The following AMBN variants were observed in gnomAD, a reference collection of about 807,000 sequenced individuals.
AMBN encodes the protein enamel matrix protein.
Under a neutral mutation model 48.0 loss-of-function variants are expected in AMBN, and 54 were observed. The ratio of observed to expected loss-of-function variants is 1.12; its 90% CI spans 0.90 to 1.41. The LOEUF (loss-of-function observed/expected upper bound fraction) is 1.41, where lower values mean the gene tolerates loss of function less well. AMBN is among the 40% of genes most tolerant of loss of function. The pLI is 0.00. For missense variants in AMBN, 571 were observed against 547.3 expected (o/e 1.04, Z -0.43); for synonymous variants, 186 against 190.0 (o/e 0.98, Z 0.17).
intron 9 of AMBN, 112 bp downstream of exon 9, chr4:70,603,122 G>T (rs987293372): frequency 3.6e-6 from 5 of 1,381,778 alleles, no homozygotes; most frequent in African/African-American, 1.5e-5. Flanking sequence ...AAGTATAATG[G>T]GTTCCTTTGT....
intron 6 of AMBN, among the ~76,000 whole-genome samples, chr4:70,602,147 G>A (rs1162539421): frequency 6.6e-6 from 1 of 152,130 alleles, no homozygotes; most frequent in Non-Finnish European, 1.5e-5. Flanking sequence ...CAAGTAACCA[G>A]TATGTTGTGG....
At chr4:70,593,942 C>T (rs1737333573) in intron 2 of AMBN, among the ~76,000 whole-genome samples, 1 of 151,112 alleles carries the variant, frequency 6.6e-6, no homozygotes, top group South Asian at 2.1e-4. Context: ...AAGACAATTT[C>T]TAGATCTTAT....
chr4:70,606,794 C>T lies in AMBN; in HGVS notation c.*64C>T. The T allele has an allele frequency of 6.6e-7, 1 of 1,518,550 alleles. No homozygotes were observed. Among genetic ancestry groups the T allele is most frequent in the Non-Finnish European group, 8.9e-7 (1 of 1,128,308 alleles). The allele number at this position is 1,518,550 out of a possible 1,614,324, so 94.1% of individuals were successfully genotyped here. A position where few individuals can be genotyped will look rare whatever the true frequency, so the allele number is the denominator to read the frequency against. On this transcript the variant is annotated 3_prime_UTR_variant, in exon 13 of 13. Coordinates refer to ENST00000322937, the MANE Select transcript of AMBN (RefSeq NM_016519.6). ...TTCCCAGCTTTGTCCCCACAGTGTA[C>T]CTTTTTGCTAAAACACTTATTACCC... is the stretch of plus-strand genomic sequence containing the variant.
intron 4 of AMBN, among the ~76,000 whole-genome samples, chr4:70,599,063 C>T (rs575098469): frequency 2.0e-5 from 3 of 151,322 alleles, no homozygotes; most frequent in African/African-American, 4.9e-5. Flanking sequence ...GCGTGAGCCA[C>T]CACGTCCAGC....
At chr4:70,599,691 C>T (rs777465699) in intron 5 of AMBN, 45 bp downstream of exon 5, 1 of 1,408,552 alleles carries the variant, frequency 7.1e-7, no homozygotes, top group Non-Finnish European at 9.8e-7. Flanking sequence ...GGCTTTAAAA[C>T]CTCTTCTTAC....
intron 1 of AMBN, among the ~76,000 whole-genome samples, 181 bp downstream of exon 1, chr4:70,592,554 A>G (rs193123387): frequency 1.3e-3 from 187 of 149,434 alleles, no homozygotes; most frequent in African/African-American, 4.3e-3. Context: ...TAAGAAAAAA[A>G]AAAAGACTTT....
At chr4:70,593,694 G>A (rs1737326281) in intron 2 of AMBN, among the ~76,000 whole-genome samples, 1 of 152,010 alleles carries the variant, frequency 6.6e-6, no homozygotes, top group Non-Finnish European at 1.5e-5. Flanking sequence ...GCTAAACCCT[G>A]TCTCTACTAA....
intron 2 of AMBN, 87 bp from the exon 3 acceptor site, chr4:70,596,912 A>G: frequency 8.6e-7 from 1 of 1,157,760 alleles, no homozygotes; most frequent in East Asian, 2.4e-5. Context: ...GGTAGCCCGT[A>G]TGTACTGGAG....
chr4:70,603,058 T>C, intron 9 of AMBN, 48 bp downstream of exon 9: 1 of 1,559,590 alleles, frequency 6.4e-7, no homozygotes, highest in Non-Finnish European at 8.7e-7. Context: ...ACTGTCTCTA[T>C]ATTTCAAAAA....
At position 70,601,624 on chromosome 4, in the gene AMBN, G is replaced by A. The variant is rs748077119; in HGVS notation, c.501G>A (p.Val167=). ...EGELPLVQQQ[V]APSDKPPKPE... ...AACTGCCTCTGGTTCAGCAGCAGGT[G>A]GCACCATCAGATAAGCCACCAAAGC... The change falls in exon 6 of 13, where the codon GTG becomes GTA. Residue 167 remains valine, a synonymous_variant. Coordinates refer to ENST00000322937, the MANE Select transcript of AMBN (RefSeq NM_016519.6). 7 of 1,614,068 alleles carry A rather than the reference G, an allele frequency of 4.3e-6. No individual in the cohort carries two copies. Among genetic ancestry groups the A allele is most frequent in the African/African-American group, 4.0e-5 (3 of 75,032 alleles).
intron 4 of AMBN, among the ~76,000 whole-genome samples, chr4:70,598,744 C>T (rs1737446601): frequency 6.6e-6 from 1 of 151,882 alleles, no homozygotes; most frequent in Non-Finnish European, 1.5e-5. Flanking sequence ...AAGAGTTCAC[C>T]TACCCATTTG....
In AMBN at chr4:70,606,916, G is replaced by A; in HGVS notation, c.*186G>A. ...CCCTTCTTGCTTTCAATATCTTGTT[G>A]AAATAAAATGTGTCAATTGTCTCTG... On this transcript the variant is annotated 3_prime_UTR_variant, in exon 13 of 13. Transcript: ENST00000322937. 1.6e-6 allele frequency: 1 copy of A among 620,102 alleles called. No individual in the cohort carries two copies. The highest frequency in any genetic ancestry group is 2.7e-6 in the Non-Finnish European group (1 of 368,830). The allele number at this position is 620,102 out of a possible 1,614,324, so 38.4% of individuals were successfully genotyped here.
chr4:70,606,866 C>A lies in AMBN; in HGVS notation c.*136C>A. The A allele has an allele frequency of 1.0e-6, 1 of 975,756 alleles. No individual in the cohort carries two copies. Among genetic ancestry groups the A allele is most frequent in the Non-Finnish European group, 1.5e-6 (1 of 675,646 alleles). The allele number at this position is 975,756 out of a possible 1,614,324, so 60.4% of individuals were successfully genotyped here. A position where few individuals can be genotyped will look rare whatever the true frequency, so the allele number is the denominator to read the frequency against. Reference sequence around the variant, plus strand: ...AGCGCTAAGCATATATTAATAAATGCAAGTGGCTAGAAATAGTGTAGGTCC... The same window carrying A: ...AGCGCTAAGCATATATTAATAAATGAAAGTGGCTAGAAATAGTGTAGGTCC... On this transcript the variant is annotated 3_prime_UTR_variant, in exon 13 of 13. Coordinates refer to ENST00000322937, the MANE Select transcript of AMBN (RefSeq NM_016519.6).
At chr4:70,605,792 G>A (rs777318415) in intron 12 of AMBN, among the ~76,000 whole-genome samples, 4 of 152,126 alleles carry the variant, frequency 2.6e-5, no homozygotes, top group African/African-American at 9.7e-5. Flanking sequence ...TCATTTGGGG[G>A]ACACTGAAAA....
Position 70,602,626 on chromosome 4 carries a change from C to A in AMBN, c.534C>A (p.Leu178=). The change falls in exon 7 of 13, where the codon CTC becomes CTA. Residue 178 remains leucine (L), a splice_region_variant and synonymous_variant. Transcript: ENST00000322937. The part of the protein sequence containing the change: ...APSDKPPKPE[L]PGVDFADPQG... ...TTTAATATTTATCTGTGATATAGCTCCCAGGAGTAGATTTTGCTGATCCAC... is the reference window on the plus strand; with the variant it reads ...TTTAATATTTATCTGTGATATAGCTACCAGGAGTAGATTTTGCTGATCCAC... The A allele has an allele frequency of 6.4e-7, 1 of 1,563,630 alleles. No homozygotes were observed.
chr4:70,606,896 C>T lies in AMBN; in HGVS notation c.*166C>T. On this transcript the variant is annotated 3_prime_UTR_variant, in exon 13 of 13. Coordinates refer to ENST00000322937, the MANE Select transcript of AMBN (RefSeq NM_016519.6). Reference sequence around the variant, plus strand: ...GGCTAGAAATAGTGTAGGTCCCCTTCTTGCTTTCAATATCTTGTTGAAATA... The same window carrying T: ...GGCTAGAAATAGTGTAGGTCCCCTTTTTGCTTTCAATATCTTGTTGAAATA... 1 of 710,350 alleles carries T rather than the reference C, an allele frequency of 1.4e-6. No individual in the cohort carries two copies. Among genetic ancestry groups the T allele is most frequent in the South Asian group, 2.4e-5 (1 of 40,820 alleles). The allele number at this position is 710,350 out of a possible 1,614,324, so 44.0% of individuals were successfully genotyped here. A position where few individuals can be genotyped will look rare whatever the true frequency, so the allele number is the denominator to read the frequency against.
chr4:70,600,615 G>A (rs1202966822), intron 5 of AMBN, among the ~76,000 whole-genome samples: 6 of 152,146 alleles, frequency 3.9e-5, no homozygotes, highest in African/African-American at 9.7e-5. Context: ...AAATTGTTGC[G>A]AGACTTCCTT....
In AMBN at chr4:70,605,008, A is replaced by T. The variant is rs1007875526; in HGVS notation, c.798+1087A>T. Among the ~76,000 whole-genome samples, 13 of 140,630 alleles carry T rather than the reference A, an allele frequency of 9.2e-5. No individual in the cohort carries two copies. In the South Asian group the frequency reaches 3.0e-3, roughly 33 times the overall value. 92.3% of individuals were successfully genotyped at this position (140,630 alleles called of 152,430 possible). A position where few individuals can be genotyped will look rare whatever the true frequency, so the allele number is the denominator to read the frequency against. ...ACCCTGCCTTAAAAAAAAAAAAAAA[A>T]GTCTTGTTTTCAAGGAACTTACAGT... On this transcript the variant is annotated intron_variant, in intron 12 of 12. Coordinates refer to ENST00000322937, the MANE Select transcript of AMBN (RefSeq NM_016519.6).
At chr4:70,596,580 A>G (rs1385062133) in intron 2 of AMBN, among the ~76,000 whole-genome samples, 1 of 152,184 alleles carries the variant, frequency 6.6e-6, no homozygotes, top group Non-Finnish European at 1.5e-5. Flanking sequence ...TGTAAACCAA[A>G]ATCATATAGA....
Sources: gnomAD v4.1 joint callset for allele counts (sites outside exome capture counted in the v4.1 genomes callset) on GRCh38, gnomAD v4.1.1 for gene constraint, MANE v1.5 for transcripts, NCBI Gene and HGNC (gene_info 2026-07-23, HGNC 2026-07-21) for gene names.